The following GDF3 variants were observed in gnomAD, a reference collection of about 807,000 sequenced individuals.
GDF3 encodes growth differentiation factor 3.
A neutral mutation model predicts 10.2 loss-of-function variants in GDF3; 10 were observed. The observed-to-expected ratio is 0.98, with a 90% CI of 0.60 to 1.66. GDF3 has a LOEUF of 1.66. Among genes scored for constraint, GDF3 ranks in the 40% most tolerant of loss-of-function variants. The pLI is 0.00. For missense variants in GDF3, 450 were observed against 438.3 expected, an observed-to-expected ratio of 1.03 and a Z score of -0.24; for synonymous variants, 166 against 178.5, an observed-to-expected ratio of 0.93 and a Z score of 0.56.
At chr12:7,692,213 A>C (rs1046596114) in intron 1 of GDF3, among the ~76,000 whole-genome samples, 1 of 151,840 alleles carries the variant, frequency 6.6e-6, no homozygotes, top group Admixed American at 6.6e-5. Context: ...GCGGGCAGAT[A>C]ACCTGAGGTC....
chr12:7,692,144 T>C (rs1864138199), intron 1 of GDF3, among the ~76,000 whole-genome samples: 1 of 151,006 alleles, frequency 6.6e-6, no homozygotes, highest in Non-Finnish European at 1.5e-5. Flanking sequence ...AAAGAGTCAA[T>C]AGACTGGGCC....
Position 7,695,496 on chromosome 12 carries a change from A to C in GDF3, c.233T>G (p.Val78Gly). 6.2e-7 allele frequency: 1 copy of C among 1,613,958 alleles called. No individual in the cohort carries two copies. Among genetic ancestry groups the C allele is most frequent in the South Asian group, 1.1e-5 (1 of 91,068 alleles). Residue 78 changes from valine (V) to glycine (G), a missense_variant, in exon 1 of 2, where the codon GTC (valine) becomes GGC (glycine). Transcript: ENST00000329913. ...GAGAAAGCGAAGTACATTCCCGCGG[A>C]CGCCCAGCTCCTTTACGTAGCATAA... ...RDLCYVKELGVRGNVLRFLPD... is the reference protein window; with the variant it reads ...RDLCYVKELGGRGNVLRFLPD...
chr12:7,695,379 A>C, intron 1 of GDF3, 82 bp downstream of exon 1: 1 of 1,250,302 alleles, frequency 8.0e-7, no homozygotes, highest in South Asian at 1.2e-5. Context: ...GGCCATCAGT[A>C]ATTGTCATTT....
Position 7,690,446 on chromosome 12 carries a change from T to C in GDF3, c.527A>G (p.Gln176Arg). 1 of 1,614,112 alleles carries C rather than the reference T, an allele frequency of 6.2e-7. No homozygotes were observed. The highest frequency in any genetic ancestry group is 1.1e-5 in the South Asian group (1 of 91,080). Reference sequence around the variant, plus strand: ...CAGCAGGTTGAAGTGAACAGCACCTTGTGGCCATGGGACTGACCGCAACAC... The same window carrying C: ...CAGCAGGTTGAAGTGAACAGCACCTCGTGGCCATGGGACTGACCGCAACAC... ...MFVLRSVPWP[Q>R]GAVHFNLLDV... is the part of the protein sequence containing the mutation. Residue 176 changes from glutamine (Q) to arginine (R), a missense_variant, in exon 2 of 2, where the codon CAA becomes CGA. By Grantham distance (43) the Gln-to-Arg change is conservative (BLOSUM62 1). Coordinates refer to ENST00000329913, the MANE Select transcript of GDF3 (RefSeq NM_020634.3).
chr12:7,695,740 T>G lies in GDF3; in HGVS notation c.-12A>C. 6.2e-7 allele frequency: 1 copy of G among 1,613,908 alleles called. No homozygotes were observed. Among genetic ancestry groups the G allele is most frequent in the South Asian group, 1.1e-5 (1 of 91,052 alleles). On this transcript the variant is annotated 5_prime_UTR_variant, in exon 1 of 2. Transcript: ENST00000329913. ...AAGAAACGAAGCATGGCCTCTGGAG[T>G]GGCTGTCAGACCGGGGAGAGCTCCA...
At position 7,690,720 on chromosome 12, in the gene GDF3, GAC is replaced by G. The variant is rs1864120603; in HGVS notation, c.269-18_269-17del. On this transcript the variant is annotated splice_polypyrimidine_tract_variant and intron_variant, in intron 1 of 1. Coordinates refer to ENST00000329913, the MANE Select transcript of GDF3 (RefSeq NM_020634.3). ...AGAAAGAAACCTAGATGGGAAAAGA[GAC>G]ATGTCAGAGTCATAATGATGTATTT... The G allele has an allele frequency of 7.2e-7, 1 of 1,396,668 alleles. No homozygotes were observed. Among genetic ancestry groups the G allele is most frequent in the African/African-American group, 1.4e-5 (1 of 70,844 alleles). 86.5% of individuals were successfully genotyped at this position (1,396,668 alleles called of 1,614,324 possible).
chr12:7,692,886 T>C (rs1192849688), intron 1 of GDF3, among the ~76,000 whole-genome samples: 1 of 151,848 alleles, frequency 6.6e-6, no homozygotes, highest in African/African-American at 2.4e-5. Context: ...CAAAGGATCC[T>C]CCCACGTCTC....
Position 7,689,932 on chromosome 12 carries a change from A to C in GDF3, c.1041T>G (p.Asn347Lys). 1 of 1,613,954 alleles carries C rather than the reference A, an allele frequency of 6.2e-7. No homozygotes were observed. The highest frequency in any genetic ancestry group is 8.5e-7 in the Non-Finnish European group (1 of 1,179,824). Residue 347 changes from asparagine to lysine, a missense_variant, in exon 2 of 2, where the codon AAT (asparagine) becomes AAG (lysine). Physicochemically the swap from Asn to Lys is moderately conservative, Grantham distance 94. Coordinates refer to ENST00000329913, the MANE Select transcript of GDF3 (RefSeq NM_020634.3). ...TGTCTTCATAATGTCGTAGAATGAC[A>C]TTGTCATTATTGTCCTGGTAGAGCA... ...ISMLYQDNNDNVILRHYEDMV... is the reference protein window; with the variant it reads ...ISMLYQDNNDKVILRHYEDMV...
At chr12:7,692,290 C>A (rs1864139617) in intron 1 of GDF3, among the ~76,000 whole-genome samples, 1 of 151,762 alleles carries the variant, frequency 6.6e-6, no homozygotes, top group African/African-American at 2.4e-5. Flanking sequence ...ATTAGCCGGG[C>A]AGGGTGGCAC....
chr12:7,694,913 G>A (rs1864166086), intron 1 of GDF3, among the ~76,000 whole-genome samples: 1 of 152,246 alleles, frequency 6.6e-6, no homozygotes, highest in Non-Finnish European at 1.5e-5. Context: ...CACTCACTGA[G>A]ATCCTTTTAA....
intron 1 of GDF3, among the ~76,000 whole-genome samples, chr12:7,695,178 A>G (rs1864169167): frequency 1.3e-5 from 2 of 152,168 alleles, no homozygotes; most frequent in Non-Finnish European, 2.9e-5. Flanking sequence ...CAGTTGATTC[A>G]GAAAACAAAA....
At chr12:7,694,325 G>A (rs1260885668) in intron 1 of GDF3, among the ~76,000 whole-genome samples, 1 of 152,068 alleles carries the variant, frequency 6.6e-6, no homozygotes, top group African/African-American at 2.4e-5. Flanking sequence ...CAGTTTGGGA[G>A]GCTGAGGCAG....
rs368170617 is a variant in GDF3 at position 7,695,528 on chromosome 12, G to C, written c.201C>G (p.Ser67=). 3.2e-5 allele frequency: 52 copies of C among 1,614,060 alleles called. No individual in the cohort carries two copies. In the African/African-American group the frequency reaches 6.5e-4, roughly 20 times the overall value. The part of the protein sequence containing the change: ...DREAAATTGV[S]RDLCYVKELG... The stretch of plus-strand genomic sequence containing the variant: ...GCTCCTTTACGTAGCATAAGTCTCG[G>C]GAGACCCCAGTGGTCGCTGCTGCCT... The change falls in exon 1 of 2, where the codon TCC becomes TCG. Residue 67 remains serine, a synonymous_variant. Transcript: ENST00000329913.
chr12:7,693,095 C>G (rs189920328), intron 1 of GDF3, among the ~76,000 whole-genome samples: 1 of 152,188 alleles, frequency 6.6e-6, no homozygotes. Context: ...ATACAGTCTA[C>G]TTTTACTATT....
chr12:7,691,932 G>A (rs975193947), intron 1 of GDF3, among the ~76,000 whole-genome samples: 9 of 151,978 alleles, frequency 5.9e-5, no homozygotes, highest in South Asian at 4.2e-4. Context: ...GTGTGAACCC[G>A]GGAGGCGGAG....
In GDF3 at chr12:7,695,539, T is replaced by C. The variant is rs2136879679; in HGVS notation, c.190A>G (p.Thr64Ala). 1 of 1,614,130 alleles carries C rather than the reference T, an allele frequency of 6.2e-7. No individual in the cohort carries two copies. Among genetic ancestry groups the C allele is most frequent in the Non-Finnish European group, 8.5e-7 (1 of 1,179,970 alleles). The change falls in exon 1 of 2, where the codon ACT becomes GCT. Residue 64 changes from threonine (T) to alanine (A), a missense_variant. Transcript: ENST00000329913. Reference sequence around the variant, plus strand: ...TAGCATAAGTCTCGGGAGACCCCAGTGGTCGCTGCTGCCTCGCGATCCTGG... The same window carrying C: ...TAGCATAAGTCTCGGGAGACCCCAGCGGTCGCTGCTGCCTCGCGATCCTGG... ...IFQDREAAAT[T>A]GVSRDLCYVK...
Position 7,689,893 on chromosome 12 carries a change from TTCA to T in GDF3, c.1077_1079del (p.Asp359del). ...TTCTGACATCCTACCCACACCCACATTCATCGACTACCATGTCTTCATAATGTC... is the reference window on the plus strand; with the variant it reads ...TTCTGACATCCTACCCACACCCACATTCGACTACCATGTCTTCATAATGTC... On this transcript the variant is annotated inframe_deletion, in exon 2 of 2. Transcript: ENST00000329913. The T allele has an allele frequency of 6.2e-7, 1 of 1,609,640 alleles. No individual in the cohort carries two copies. The highest frequency in any genetic ancestry group is 8.5e-7 in the Non-Finnish European group (1 of 1,175,944).
chr12:7,690,377 C>G lies in GDF3; in HGVS notation c.596G>C (p.Gly199Ala). 6.2e-7 allele frequency: 1 copy of G among 1,614,040 alleles called. No homozygotes were observed. Among genetic ancestry groups the G allele is most frequent in the Non-Finnish European group, 8.5e-7 (1 of 1,179,974 alleles). ...TTTGACCAGTATCTCCAGGAATAACCCGAAATTTTTCCGGGGGTTGTCATT... is the reference window on the plus strand; with the variant it reads ...TTTGACCAGTATCTCCAGGAATAACGCGAAATTTTTCCGGGGGTTGTCATT... ...DWNDNPRKNFGLFLEILVKED... is the reference protein window; with the variant it reads ...DWNDNPRKNFALFLEILVKED... The change falls in exon 2 of 2, where the codon GGG (glycine) becomes GCG (alanine). Residue 199 changes from glycine (G) to alanine (A), a missense_variant. Coordinates refer to ENST00000329913, the MANE Select transcript of GDF3 (RefSeq NM_020634.3).
chr12:7,690,347 T>C lies in GDF3; in HGVS notation c.626A>G (p.Asp209Gly), dbSNP rs1472855602. The change falls in exon 2 of 2, where the codon GAT becomes GGT. Residue 209 changes from aspartate to glycine, a missense_variant. By Grantham distance (94) the Asp-to-Gly change is moderately conservative. Coordinates refer to ENST00000329913, the MANE Select transcript of GDF3 (RefSeq NM_020634.3). ...GLFLEILVKEDRDSGVNFQPE... is the reference protein window; with the variant it reads ...GLFLEILVKEGRDSGVNFQPE... ...CTGAAAATTCACCCCTGAGTCTCTATCTTCTTTGACCAGTATCTCCAGGAA... is the reference window on the plus strand; with the variant it reads ...CTGAAAATTCACCCCTGAGTCTCTACCTTCTTTGACCAGTATCTCCAGGAA... The C allele has an allele frequency of 3.7e-6, 6 of 1,614,082 alleles. No individual in the cohort carries two copies. The highest frequency in any genetic ancestry group is 5.1e-6 in the Non-Finnish European group (6 of 1,179,976).
Sources: allele counts gnomAD v4.1 joint callset (sites outside exome capture counted in the v4.1 genomes callset), GRCh38; gene constraint gnomAD v4.1.1; transcripts MANE v1.5; gene names NCBI Gene and HGNC (gene_info 2026-07-23, HGNC 2026-07-21).